Variants in SLC5A4 observed in about 807,000 individuals in gnomAD.
The protein encoded by SLC5A4 is solute carrier family 5 member 4.
A neutral mutation model predicts 70.3 loss-of-function variants in SLC5A4; 55 were observed. The observed-to-expected ratio is 0.78, with a 90% CI of 0.63 to 0.98. The LOEUF (loss-of-function observed/expected upper bound fraction) is 0.98. Among genes scored for constraint, SLC5A4 ranks in the 50% least tolerant of loss-of-function variants. The pLI is 0.00. For missense variants in SLC5A4, 735 were observed against 839.2 expected (o/e 0.88, Z 1.53); for synonymous variants, 268 against 305.7 (o/e 0.88, Z 1.29).
rs895647108 is a variant in SLC5A4, at chr22:32,221,153, G to C, written c.1666-131C>G. On this transcript the variant is annotated intron_variant, in intron 13 of 14. Transcript: ENST00000266086. The stretch of plus-strand genomic sequence containing the variant: ...CATACAGGAGAATATAGATCACAAA[G>C]AAAAGGCCTCCTACCACACTCACTC... The C allele has an allele frequency of 4.2e-5, 22 of 521,868 alleles. No homozygotes were observed. The Admixed American group carries it at 6.4e-4, about 15-fold the overall frequency. 32.3% of individuals were successfully genotyped at this position (521,868 alleles called of 1,614,324 possible).
At chr22:32,327,973 G>A in the SLC5A4 span, among the ~76,000 whole-genome samples, 3,715 of 152,196 alleles carry the variant, frequency 0.024, 57 homozygotes, top group Non-Finnish European at 0.035. Flanking sequence ...ATTGGGCCCA[G>A]CAATTCACAA....
At chr22:32,232,607 G>A (rs990793264) in intron 9 of SLC5A4, among the ~76,000 whole-genome samples, 1 of 151,980 alleles carries the variant, frequency 6.6e-6, no homozygotes, top group African/African-American at 2.4e-5. Context: ...ATCCTGCAGT[G>A]TCCTTTTGCC....
At chr22:32,341,290 C>G in the SLC5A4 span, among the ~76,000 whole-genome samples, 2 of 152,014 alleles carry the variant, frequency 1.3e-5, no homozygotes, top group Non-Finnish European at 2.9e-5. Context: ...GAGCCCTGGT[C>G]TCTAAGATCA....
the SLC5A4 span, among the ~76,000 whole-genome samples, chr22:32,305,786 C>T: frequency 6.6e-6 from 1 of 151,610 alleles, no homozygotes; most frequent in Admixed American, 6.6e-5. Context: ...CATGGCATGT[C>T]ACACCAGGGG....
chr22:32,313,441 G>A, the SLC5A4 span, among the ~76,000 whole-genome samples: 14 of 152,046 alleles, frequency 9.2e-5, no homozygotes, highest in South Asian at 2.1e-4. Flanking sequence ...TGACAAAAAC[G>A]ATCCTGTATT....
the SLC5A4 span, among the ~76,000 whole-genome samples, chr22:32,334,153 C>G: frequency 2.0e-5 from 3 of 151,574 alleles, no homozygotes; most frequent in African/African-American, 7.3e-5. Context: ...AACACACACA[C>G]CCCATGCCAC....
the SLC5A4 span, among the ~76,000 whole-genome samples, chr22:32,333,240 C>A: frequency 6.6e-6 from 1 of 150,568 alleles, no homozygotes; most frequent in African/African-American, 2.5e-5. Context: ...CTCACCCAGT[C>A]CAGTGGAAAC....
intron 8 of SLC5A4, among the ~76,000 whole-genome samples, chr22:32,234,115 A>G (rs1409578103): frequency 6.6e-6 from 1 of 152,192 alleles, no homozygotes; most frequent in Non-Finnish European, 1.5e-5. Flanking sequence ...AGAGAGCAAC[A>G]CAAGCATTTA....
intron 5 of SLC5A4, among the ~76,000 whole-genome samples, chr22:32,239,550 A>ATT (rs1408522926): frequency 1.3e-4 from 2 of 15,338 alleles, no homozygotes; most frequent in African/African-American, 7.9e-4. Flanking sequence ...ATATATATAT[A>ATT]TATATATATA....
In SLC5A4 at chr22:32,233,047, C is replaced by T. The variant is rs184217249; in HGVS notation, c.886-13G>A. The T allele has an allele frequency of 5.5e-5, 89 of 1,609,176 alleles. No individual in the cohort carries two copies. The highest frequency in any genetic ancestry group is 3.1e-4 in the African/African-American group (23 of 74,828). Reference sequence around the variant, plus strand: ...GCTGCACAATGACCTGCCGGGAGAACGTGACACACTCATGAAACAAGCCAG... The same window carrying T: ...GCTGCACAATGACCTGCCGGGAGAATGTGACACACTCATGAAACAAGCCAG... On this transcript the variant is annotated splice_polypyrimidine_tract_variant and intron_variant, in intron 8 of 14. Coordinates refer to ENST00000266086, the MANE Select transcript of SLC5A4 (RefSeq NM_014227.3).
the SLC5A4 span, among the ~76,000 whole-genome samples, chr22:32,303,338 C>T: frequency 6.6e-6 from 1 of 152,190 alleles, no homozygotes; most frequent in African/African-American, 2.4e-5. Flanking sequence ...AAGTAAGAGA[C>T]AAATGTTTGC....
At chr22:32,330,818 A>AGGCTCTGGTGTGTGTTTTGGGG in the SLC5A4 span, among the ~76,000 whole-genome samples, 1 of 9,692 alleles carries the variant, frequency 1.0e-4, no homozygotes, top group Non-Finnish European at 1.8e-4. Flanking sequence ...GTGTTTTGGG[A>AGGCTCTGGTGTGTGTTTTGGGG]GGCTCTGGTG....
chr22:32,227,827 C>T (rs1358589614), intron 11 of SLC5A4, among the ~76,000 whole-genome samples: 1 of 151,324 alleles, frequency 6.6e-6, no homozygotes, highest in African/African-American at 2.4e-5. Context: ...CCCAGCTACT[C>T]GGGAGGCTGA....
the SLC5A4 span, among the ~76,000 whole-genome samples, chr22:32,339,192 G>A: frequency 1.5e-4 from 23 of 152,330 alleles, no homozygotes; most frequent in African/African-American, 5.1e-4. Context: ...CAAAGCAGTC[G>A]TAGCTGCGTG....
the SLC5A4 span, among the ~76,000 whole-genome samples, chr22:32,319,403 T>C: frequency 6.6e-6 from 1 of 150,384 alleles, no homozygotes; most frequent in African/African-American, 2.5e-5. Context: ...CACCATCAGC[T>C]CTCCTGGGTC....
chr22:32,251,845 G>T lies in SLC5A4; in HGVS notation c.237C>A (p.Ile79=), dbSNP rs201777124. ...CCAGCCCCACATAGTGGTTGCTGCC[G>T]ATGTTACTGGCAAAGAGAGAGGCGC... is the stretch of plus-strand genomic sequence containing the variant. ...PMGASLFASN[I]GSNHYVGLAG... is the part of the protein sequence containing the mutation. Residue 79 remains isoleucine (I), a synonymous_variant, in exon 3 of 15, where the codon ATC becomes ATA. Coordinates refer to ENST00000266086, the MANE Select transcript of SLC5A4 (RefSeq NM_014227.3). 6.2e-7 allele frequency: 1 copy of T among 1,613,846 alleles called. No homozygotes were observed. Among genetic ancestry groups the T allele is most frequent in the South Asian group, 1.1e-5 (1 of 91,076 alleles).
At chr22:32,328,502 TACCCTGCGGAGAGGCCC>T in the SLC5A4 span, among the ~76,000 whole-genome samples, 4 of 152,124 alleles carry the variant, frequency 2.6e-5, no homozygotes, top group Admixed American at 1.3e-4. Context: ...TGCCATGAGC[TACCCTGCGGAGAGGCCC>T]ACCCAGTGAG....
chr22:32,345,773 C>T, the SLC5A4 span, among the ~76,000 whole-genome samples: 1 of 152,124 alleles, frequency 6.6e-6, no homozygotes, highest in Non-Finnish European at 1.5e-5. Flanking sequence ...GAGTCCCCAG[C>T]CTAAGTGACA....
rs1409489441 is a variant in SLC5A4, at chr22:32,230,983, C to G, written c.1114G>C (p.Glu372Gln). ...ATTTTCCTACCTTGGGGCATCAGTT[C>G]CAGCACCATCGTGGGGTATGCGTAG... ...TNYAYPTMVL[E>Q]LMPQGLRGLM... is the part of the protein sequence containing the mutation. Residue 372 changes from glutamate (E) to glutamine (Q), a missense_variant, in exon 10 of 15, where the codon GAA (glutamate) becomes CAA (glutamine). Transcript: ENST00000266086. 6.2e-7 allele frequency: 1 copy of G among 1,612,590 alleles called. No homozygotes were observed. Among genetic ancestry groups the G allele is most frequent in the Non-Finnish European group, 8.5e-7 (1 of 1,178,574 alleles).
Sources: gnomAD v4.1 joint callset for allele counts (sites outside exome capture counted in the v4.1 genomes callset) on GRCh38, gnomAD v4.1.1 for gene constraint, MANE v1.5 for transcripts, NCBI Gene and HGNC (gene_info 2026-07-23, HGNC 2026-07-21) for gene names.